Variants in PLS1 observed in about 807,000 individuals in gnomAD.
The protein encoded by PLS1 is plastin-1.
A neutral mutation model predicts 73.7 loss-of-function variants in PLS1; 32 were observed. That is an observed-to-expected ratio of 0.43 (90% CI 0.33 to 0.58). The LOEUF (loss-of-function observed/expected upper bound fraction) is 0.58. Among genes scored for constraint, PLS1 ranks in the 20% least tolerant of loss-of-function variants. The pLI, the probability that PLS1 is intolerant of heterozygous loss-of-function variation, is 0.04. For synonymous variants in PLS1, 217 were observed against 261.3 expected, an observed-to-expected ratio of 0.83 and a Z score of 1.63; for missense variants, 633 against 740.5, an observed-to-expected ratio of 0.85 and a Z score of 1.68.
intron 1 of PLS1, among the ~76,000 whole-genome samples, chr3:142,648,013 G>A (rs2036996701): frequency 6.6e-6 from 1 of 152,192 alleles, no homozygotes; most frequent in Admixed American, 6.5e-5. Context: ...GTTTGCCATT[G>A]CTGTCATCTT....
chr3:142,685,287 G>T (rs928011528), intron 8 of PLS1, among the ~76,000 whole-genome samples: 1 of 152,174 alleles, frequency 6.6e-6, no homozygotes, highest in Admixed American at 6.5e-5. Flanking sequence ...ATGCCCAGGC[G>T]ATGCAAAGAC....
chr3:142,655,334 A>G (rs1475543257), intron 1 of PLS1, among the ~76,000 whole-genome samples: 1 of 152,188 alleles, frequency 6.6e-6, no homozygotes, highest in East Asian at 1.9e-4. Context: ...AATGGTAAAT[A>G]CTTGGGAAGA....
chr3:142,686,369 G>T lies in PLS1; in HGVS notation c.974G>T (p.Gly325Val). 6.3e-7 allele frequency: 1 copy of T among 1,581,628 alleles called. No homozygotes were observed. The highest frequency in any genetic ancestry group is 8.7e-7 in the Non-Finnish European group (1 of 1,150,554). Residue 325 changes from glycine to valine, a missense_variant, in exon 9 of 16, where the codon GGA (glycine) becomes GTA (valine). Gly to Val is a moderately radical substitution (Grantham distance 109, BLOSUM62 -3). Coordinates refer to ENST00000457734, the MANE Select transcript of PLS1 (RefSeq NM_001145319.2). ...CCTGCCATTGCCATTGACCTTTCAG[G>T]AATTAATGTGAGTGCAATTTTTAAC... is the stretch of plus-strand genomic sequence containing the variant. ...DGPAIAIDLS[G>V]INETNDLKRA...
At chr3:142,662,297 G>A (rs955874759) in intron 1 of PLS1, among the ~76,000 whole-genome samples, 5 of 152,222 alleles carry the variant, frequency 3.3e-5, no homozygotes, top group East Asian at 3.9e-4. Context: ...ATCATTCTCA[G>A]CAAACTAACA....
intron 1 of PLS1, among the ~76,000 whole-genome samples, chr3:142,658,888 C>T (rs958162290): frequency 2.0e-4 from 31 of 152,042 alleles, no homozygotes; most frequent in Non-Finnish European, 1.5e-4. Context: ...TGATGCTTGC[C>T]GTGAGAGAGT....
At chr3:142,613,046 G>A (rs901220463) in intron 1 of PLS1, among the ~76,000 whole-genome samples, 5 of 152,152 alleles carry the variant, frequency 3.3e-5, no homozygotes, top group East Asian at 1.9e-4. Flanking sequence ...GATTACAGGC[G>A]TGAGCCACCG....
chr3:142,703,793 G>A (rs567710997), intron 12 of PLS1, 75 bp from the exon 13 acceptor site: 2 of 891,008 alleles, frequency 2.2e-6, no homozygotes, highest in East Asian at 2.5e-5. Context: ...TTTTCAGATG[G>A]CTGAACTAGG....
At chr3:142,648,474 G>C (rs1411795995) in intron 1 of PLS1, among the ~76,000 whole-genome samples, 1 of 152,134 alleles carries the variant, frequency 6.6e-6, no homozygotes, top group South Asian at 2.1e-4. Context: ...AGTTGCGGGA[G>C]GCATCAGTTT....
intron 5 of PLS1, among the ~76,000 whole-genome samples, chr3:142,677,811 G>C (rs2037753932): frequency 6.6e-6 from 1 of 152,064 alleles, no homozygotes; most frequent in African/African-American, 2.4e-5. Flanking sequence ...TATTTTTTGA[G>C]ATGAGGTCTC....
At chr3:142,701,707 T>C (rs991415884) in intron 12 of PLS1, among the ~76,000 whole-genome samples, 17 of 152,204 alleles carry the variant, frequency 1.1e-4, no homozygotes, top group Admixed American at 7.2e-4. Context: ...GCCTCTATAC[T>C]AGCAACCCTG....
intron 1 of PLS1, among the ~76,000 whole-genome samples, chr3:142,597,569 A>C (rs1057490571): frequency 2.0e-4 from 30 of 152,180 alleles, no homozygotes; most frequent in Non-Finnish European, 1.6e-4. Flanking sequence ...TCCTCCCATG[A>C]TAAATGTTTT....
At chr3:142,680,106 T>C (rs1455524217) in intron 6 of PLS1, among the ~76,000 whole-genome samples, 1 of 152,200 alleles carries the variant, frequency 6.6e-6, no homozygotes. Flanking sequence ...TTTAAAGAGA[T>C]GAGGGTCTTG....
chr3:142,676,096 T>C, intron 4 of PLS1, 61 bp from the exon 5 acceptor site: 7 of 1,420,244 alleles, frequency 4.9e-6, no homozygotes, highest in Non-Finnish European at 6.8e-6. Flanking sequence ...GCTATGTATG[T>C]TTTTATAGTG....
intron 10 of PLS1, 83 bp downstream of exon 10, chr3:142,689,896 T>C (rs2038053490): frequency 1.1e-6 from 1 of 888,310 alleles, no homozygotes; most frequent in African/African-American, 1.7e-5. Context: ...GATAGGGGAT[T>C]GTGGTGGGAA....
At chr3:142,602,846 C>T (rs564301678) in intron 1 of PLS1, among the ~76,000 whole-genome samples, 6 of 152,188 alleles carry the variant, frequency 3.9e-5, no homozygotes, top group South Asian at 4.2e-4. Flanking sequence ...CTGGCTTCAC[C>T]GGGCTAATTT....
At chr3:142,622,843 G>C (rs2036341870) in intron 1 of PLS1, among the ~76,000 whole-genome samples, 1 of 152,188 alleles carries the variant, frequency 6.6e-6, no homozygotes. Flanking sequence ...TTGAAATTCA[G>C]TAAGATGTTA....
rs116617013 is a variant in PLS1 at position 142,683,198 on chromosome 3, A to G, written c.580-808A>G. Reference sequence around the variant, plus strand: ...TACAATATGAGAATGGCAGTAATGCATGGCGATTAAGAGGATGGGCTCTGG... The same window carrying G: ...TACAATATGAGAATGGCAGTAATGCGTGGCGATTAAGAGGATGGGCTCTGG... On this transcript the variant is annotated intron_variant, in intron 6 of 15. Coordinates refer to ENST00000457734, the MANE Select transcript of PLS1 (RefSeq NM_001145319.2). 2.8e-3 allele frequency among the ~76,000 whole-genome samples: 429 copies of G among 152,354 alleles called. 3 individuals carry two copies. The highest frequency in any genetic ancestry group is 1.0e-2 in the African/African-American group (415 of 41,594).
In PLS1 at chr3:142,600,877, CATATATATATATATATAT is replaced by C. The variant is rs1185547517; in HGVS notation, c.-37+4391_-37+4408del. ...GGGAAGGGAAGGGTTGGCCTGGTTT[CATATATATATATATATAT>C]ATATATATATATATATATATATTTT... On this transcript the variant is annotated intron_variant, in intron 1 of 15. Coordinates refer to ENST00000457734, the MANE Select transcript of PLS1 (RefSeq NM_001145319.2). 6.8e-3 allele frequency among the ~76,000 whole-genome samples: 161 copies of C among 23,532 alleles called. 7 individuals are homozygous for C. The highest frequency in any genetic ancestry group is 0.024 in the African/African-American group (153 of 6,404). The allele number at this position is 23,532 out of a possible 152,430, so 15.4% of individuals were successfully genotyped here.
chr3:142,605,906 T>C (rs919892956), intron 1 of PLS1, among the ~76,000 whole-genome samples: 2 of 152,340 alleles, frequency 1.3e-5, no homozygotes, highest in East Asian at 3.9e-4. Flanking sequence ...AAGATTAAAC[T>C]TTCTAAATAT....
Sources: gnomAD v4.1 joint callset for allele counts (sites outside exome capture counted in the v4.1 genomes callset) on GRCh38, gnomAD v4.1.1 for gene constraint, MANE v1.5 for transcripts, NCBI Gene and HGNC (gene_info 2026-07-23, HGNC 2026-07-21) for gene names.